Variants in RNF111 observed in about 807,000 individuals in gnomAD.
RNF111 encodes the protein ring finger protein 111.
RNF111 carries 17 observed loss-of-function variants against 95.1 expected under a neutral mutation model. The observed-to-expected ratio is 0.18, with a 90% confidence interval of 0.12 to 0.27. The LOEUF is 0.27. Ranked by LOEUF, RNF111 falls within the 10% of genes least tolerant of loss-of-function variation. The pLI is 1.00. For missense variants in RNF111, 1,189 were observed against 1,210.4 expected (o/e 0.98, Z 0.26); for synonymous variants, 440 against 414.8 (o/e 1.06, Z -0.74).
intron 1 of RNF111, among the ~76,000 whole-genome samples, chr15:58,993,214 A>T (rs1232648714): frequency 2.6e-5 from 4 of 151,878 alleles, no homozygotes; most frequent in African/African-American, 4.8e-5. Context: ...GTTTTAAAAT[A>T]ATTAGTAAAA....
chr15:59,022,975 G>A (rs752903853), intron 1 of RNF111, among the ~76,000 whole-genome samples: 3 of 152,306 alleles, frequency 2.0e-5, no homozygotes, highest in Middle Eastern at 3.4e-3. Flanking sequence ...GGCTGGGCGC[G>A]GTGGCTTACG....
At position 59,048,930 on chromosome 15, in the gene RNF111, A is replaced by C. The variant is rs541315620; in HGVS notation, c.881-3375A>C. ...GTGTACTAAGATCCTGTCTCTTTAAAAAACAAACAAACAAACAAAAATTAG... is the reference window on the plus strand; with the variant it reads ...GTGTACTAAGATCCTGTCTCTTTAACAAACAAACAAACAAACAAAAATTAG... On this transcript the variant is annotated intron_variant, in intron 2 of 13. Coordinates refer to ENST00000348370, the MANE Select transcript of RNF111 (RefSeq NM_017610.8). 3.9e-4 allele frequency among the ~76,000 whole-genome samples: 59 copies of C among 152,032 alleles called. 1 individual carries two copies. Among genetic ancestry groups the C allele is most frequent in the African/African-American group, 8.7e-4 (36 of 41,456 alleles).
At chr15:59,091,212 A>G in intron 12 of RNF111, 58 bp downstream of exon 12, 1 of 947,454 alleles carries the variant, frequency 1.1e-6, no homozygotes, top group Admixed American at 2.1e-5. Context: ...AATGTAATAT[A>G]TACCTTTTTT....
rs143490471 is a variant in RNF111, at chr15:58,996,393, T to G, written c.-20+8325T>G. On this transcript the variant is annotated intron_variant, in intron 1 of 13. Coordinates refer to ENST00000348370, the MANE Select transcript of RNF111 (RefSeq NM_017610.8). ...TTCAAGATCATCCTGGCCAACCTGATGAAACCCTGTCTCAACTGAAAAATG... is the reference window on the plus strand; with the variant it reads ...TTCAAGATCATCCTGGCCAACCTGAGGAAACCCTGTCTCAACTGAAAAATG... Among the ~76,000 whole-genome samples, 538 of 151,600 alleles carry G rather than the reference T, an allele frequency of 3.5e-3. 1 individual carries two copies. The highest frequency in any genetic ancestry group is 0.013 in the African/African-American group (525 of 41,272).
intron 3 of RNF111, among the ~76,000 whole-genome samples, chr15:59,053,940 A>G (rs1194524742): frequency 6.6e-6 from 1 of 151,742 alleles, no homozygotes; most frequent in Non-Finnish European, 1.5e-5. Context: ...ATTTTACTTA[A>G]TTATTTATTT....
chr15:59,019,954 A>G (rs1260175960), intron 1 of RNF111, among the ~76,000 whole-genome samples: 1 of 152,122 alleles, frequency 6.6e-6, no homozygotes, highest in East Asian at 1.9e-4. Context: ...CTGAGACTCC[A>G]TCTCAAAAAA....
intron 1 of RNF111, among the ~76,000 whole-genome samples, chr15:58,996,339 G>A (rs1369557552): frequency 2.6e-5 from 4 of 152,022 alleles, no homozygotes; most frequent in Non-Finnish European, 5.9e-5. Flanking sequence ...TCGGGAGGCC[G>A]AGGCATATGG....
At chr15:59,087,539 G>A (rs1298116401) in intron 10 of RNF111, among the ~76,000 whole-genome samples, 1 of 152,052 alleles carries the variant, frequency 6.6e-6, no homozygotes, top group African/African-American at 2.4e-5. Context: ...ATAAGTACGT[G>A]ATAATGATAG....
At chr15:59,075,890 A>G (rs896693847) in intron 6 of RNF111, 64 bp from the exon 7 acceptor site, 2 of 1,520,792 alleles carry the variant, frequency 1.3e-6, no homozygotes, top group African/African-American at 2.8e-5. Context: ...GAATACTTTT[A>G]TAATATAACA....
intron 1 of RNF111, among the ~76,000 whole-genome samples, chr15:58,998,612 TTG>T (rs2039187068): frequency 1.3e-5 from 2 of 152,226 alleles, no homozygotes; most frequent in African/African-American, 2.4e-5. Context: ...CAAACTGTAG[TTG>T]TGTGAACTTG....
At chr15:59,021,975 T>A (rs1308022103) in intron 1 of RNF111, among the ~76,000 whole-genome samples, 1 of 152,098 alleles carries the variant, frequency 6.6e-6, no homozygotes, top group African/African-American at 2.4e-5. Context: ...TCCTCCCGCC[T>A]CAGCCTCCCG....
chr15:59,013,065 T>C (rs1458776191), intron 1 of RNF111, among the ~76,000 whole-genome samples: 6 of 152,106 alleles, frequency 3.9e-5, no homozygotes, highest in Non-Finnish European at 8.8e-5. Context: ...TTTTTGGAGA[T>C]TGGCAGTAGT....
At chr15:59,091,362 A>G (rs1381461950) in intron 12 of RNF111, among the ~76,000 whole-genome samples, 1 of 152,178 alleles carries the variant, frequency 6.6e-6, no homozygotes, top group African/African-American at 2.4e-5. Flanking sequence ...AAGTGAAATC[A>G]TAGTTAAGGA....
At chr15:59,016,842 C>A (rs2040089858) in intron 1 of RNF111, among the ~76,000 whole-genome samples, 1 of 152,144 alleles carries the variant, frequency 6.6e-6, no homozygotes, top group African/African-American at 2.4e-5. Flanking sequence ...CTGTCACTTA[C>A]ATTACTGCTT....
intron 2 of RNF111, among the ~76,000 whole-genome samples, chr15:59,046,197 T>C (rs11634263): frequency 0.047 from 6,877 of 146,732 alleles, 292 homozygotes; most frequent in African/African-American, 0.12. Context: ...TTTTTTTTTT[T>C]CCCTTTAATT....
intron 2 of RNF111, among the ~76,000 whole-genome samples, chr15:59,047,262 A>G (rs2041757793): frequency 6.6e-6 from 1 of 152,164 alleles, no homozygotes; most frequent in South Asian, 2.1e-4. Flanking sequence ...TTGGGAGTCC[A>G]AGGTAGGAAG....
intron 7 of RNF111, among the ~76,000 whole-genome samples, chr15:59,079,866 A>G (rs1477259870): frequency 3.3e-5 from 5 of 152,182 alleles, no homozygotes; most frequent in African/African-American, 9.7e-5. Flanking sequence ...GAATAATGAC[A>G]TGGGGTAGGG....
At chr15:59,083,882 C>T (rs1596304033) in intron 8 of RNF111, 2 of 230,960 alleles carry the variant, frequency 8.7e-6, no homozygotes, top group African/African-American at 2.3e-5. Context: ...ATTACTTTTT[C>T]CTTGGGTGAT....
intron 7 of RNF111, among the ~76,000 whole-genome samples, chr15:59,079,909 C>T (rs1396868384): frequency 6.6e-5 from 10 of 152,026 alleles, no homozygotes; most frequent in Non-Finnish European, 1.5e-4. Flanking sequence ...AATGTTTACA[C>T]CCTATTATGA....
Sources: gnomAD v4.1 joint callset for allele counts (sites outside exome capture counted in the v4.1 genomes callset) on GRCh38, gnomAD v4.1.1 for gene constraint, MANE v1.5 for transcripts, NCBI Gene and HGNC (gene_info 2026-07-23, HGNC 2026-07-21) for gene names.